The following RERE variants were observed in gnomAD, a reference collection of about 807,000 sequenced individuals.
The protein encoded by RERE is arginine-glutamic acid dipeptide repeats.
Under a neutral mutation model 146.1 loss-of-function variants are expected in RERE, and 40 were observed. The ratio of observed to expected loss-of-function variants is 0.27; its 90% CI spans 0.21 to 0.36. The LOEUF (loss-of-function observed/expected upper bound fraction) is 0.36. Ranked by LOEUF, RERE falls within the 10% of genes least tolerant of loss-of-function variation. The probability of loss-of-function intolerance (pLI) is 1.00; values close to 1 mark genes in which losing one functional copy is unlikely to be tolerated. For missense variants in RERE, 1,933 were observed against 2,138.7 expected, an observed-to-expected ratio of 0.90 and a Z score of 1.90; for synonymous variants, 1,003 against 866.0, an observed-to-expected ratio of 1.16 and a Z score of -2.78.
chr1:8,388,005 A>G (rs750597961), intron 12 of RERE, among the ~76,000 whole-genome samples: 3 of 152,226 alleles, frequency 2.0e-5, no homozygotes, highest in Non-Finnish European at 2.9e-5. Context: ...ACCAACTGAA[A>G]TGTCCATCAA....
chr1:8,517,400 A>T (rs1301487111), intron 7 of RERE, among the ~76,000 whole-genome samples: 2 of 152,152 alleles, frequency 1.3e-5, no homozygotes, highest in African/African-American at 4.8e-5. Flanking sequence ...TTTTTTCCTT[A>T]TGTTTACTAA....
chr1:8,579,734 T>G (rs1334304593), intron 4 of RERE, among the ~76,000 whole-genome samples: 1 of 152,248 alleles, frequency 6.6e-6, no homozygotes, highest in African/African-American at 2.4e-5. Context: ...CGGGGCACAG[T>G]GGCTCACGCC....
chr1:8,697,201 A>T (rs866783488), intron 1 of RERE, among the ~76,000 whole-genome samples: 5 of 152,254 alleles, frequency 3.3e-5, no homozygotes, highest in African/African-American at 1.2e-4. Flanking sequence ...AAACATACAC[A>T]TAAGATGAAA....
chr1:8,363,654 G>A lies in RERE; in HGVS notation c.1740+402C>T, dbSNP rs879376070. 5.6e-5 allele frequency: 11 copies of A among 198,084 alleles called. No homozygotes were observed. In the Admixed American group the frequency reaches 5.9e-4, roughly 11 times the overall value. The allele number at this position is 198,084 out of a possible 1,614,324, so 12.3% of individuals were successfully genotyped here. On this transcript the variant is annotated intron_variant, in intron 15 of 22. Coordinates refer to ENST00000400908, the MANE Select transcript of RERE (RefSeq NM_001042681.2). ...TATGCAGTGAGCAGAAAAATGTATC[G>A]GAAGTTTCCAAAACGGGATCAAACA...
intron 1 of RERE, among the ~76,000 whole-genome samples, chr1:8,744,341 C>T (rs759122141): frequency 4.6e-5 from 7 of 152,150 alleles, no homozygotes; most frequent in Admixed American, 1.3e-4. Flanking sequence ...TGGGTAGTAA[C>T]GATTTACACC....
At chr1:8,526,239 G>C (rs551760094) in intron 7 of RERE, among the ~76,000 whole-genome samples, 5 of 151,848 alleles carry the variant, frequency 3.3e-5, no homozygotes, top group Non-Finnish European at 1.5e-5. Context: ...GCCAAGCCAC[G>C]GAGGAGCGTC....
chr1:8,655,325 G>A (rs962659798), intron 2 of RERE, among the ~76,000 whole-genome samples: 16 of 151,764 alleles, frequency 1.1e-4, no homozygotes, highest in African/African-American at 3.6e-4. Flanking sequence ...TCCCGTCTCA[G>A]CCTCCCAAGT....
At chr1:8,699,805 T>A (rs1639408980) in intron 1 of RERE, among the ~76,000 whole-genome samples, 1 of 152,186 alleles carries the variant, frequency 6.6e-6, no homozygotes, top group South Asian at 2.1e-4. Flanking sequence ...ATTTCTCCAA[T>A]GAATTAAAAA....
At chr1:8,469,126 T>C (rs1014627933) in intron 10 of RERE, among the ~76,000 whole-genome samples, 2 of 151,988 alleles carry the variant, frequency 1.3e-5, no homozygotes, top group South Asian at 2.1e-4. Flanking sequence ...TTAGAAAATA[T>C]ATGTTAGCTA....
chr1:8,531,833 A>AAAT (rs1267241981), intron 7 of RERE, among the ~76,000 whole-genome samples: 2 of 152,276 alleles, frequency 1.3e-5, no homozygotes, highest in African/African-American at 4.8e-5. Context: ...GTACAAAAAA[A>AAAT]GAATGAATGA....
intron 1 of RERE, among the ~76,000 whole-genome samples, chr1:8,758,855 C>CA (rs35540947): frequency 0.014 from 1,904 of 137,386 alleles, 15 homozygotes; most frequent in Non-Finnish European, 0.017. Flanking sequence ...GTCCTCACCA[C>CA]AAAAAAAAAA....
chr1:8,790,404 A>G (rs953169851), intron 1 of RERE, among the ~76,000 whole-genome samples: 2 of 152,216 alleles, frequency 1.3e-5, no homozygotes, highest in Non-Finnish European at 2.9e-5. Flanking sequence ...AATCTATTTG[A>G]TAAATGAATA....
intron 12 of RERE, among the ~76,000 whole-genome samples, chr1:8,409,523 A>G (rs1487821648): frequency 6.6e-6 from 1 of 152,164 alleles, no homozygotes; most frequent in Non-Finnish European, 1.5e-5. Context: ...GCAAATCCCA[A>G]AGCAATGATT....
intron 1 of RERE, among the ~76,000 whole-genome samples, chr1:8,724,522 C>T (rs1569637963): frequency 6.6e-6 from 1 of 152,132 alleles, no homozygotes; most frequent in African/African-American, 2.4e-5. Flanking sequence ...GATTTAGTTA[C>T]TTTCTCTACA....
chr1:8,359,174 T>C (rs982394254), intron 19 of RERE, among the ~76,000 whole-genome samples: 3 of 152,136 alleles, frequency 2.0e-5, no homozygotes, highest in African/African-American at 4.8e-5. Context: ...CATGCATGGG[T>C]TGTCTACGTG....
At chr1:8,787,057 G>A (rs1641271965) in intron 1 of RERE, 1 of 536,728 alleles carries the variant, frequency 1.9e-6, no homozygotes, top group African/African-American at 1.9e-5. Context: ...ATTATACTTG[G>A]AATGAAAGCC....
At chr1:8,761,271 T>G (rs138847502) in intron 1 of RERE, among the ~76,000 whole-genome samples, 1 of 152,200 alleles carries the variant, frequency 6.6e-6, no homozygotes, top group Non-Finnish European at 1.5e-5. Flanking sequence ...CATCTGACAC[T>G]AAATCCTTTG....
chr1:8,363,844 G>C, intron 15 of RERE: 1 of 590,330 alleles, frequency 1.7e-6, no homozygotes, highest in Admixed American at 3.0e-5. Flanking sequence ...ACAAAACCCA[G>C]AGCAGGATGC....
chr1:8,578,790 A>C (rs1464893067), intron 4 of RERE, among the ~76,000 whole-genome samples: 3 of 152,234 alleles, frequency 2.0e-5, no homozygotes, highest in African/African-American at 4.8e-5. Flanking sequence ...AAGACAAGAC[A>C]TGCTGTAAAG....
Sources: gnomAD v4.1 joint callset for allele counts (sites outside exome capture counted in the v4.1 genomes callset) on GRCh38, gnomAD v4.1.1 for gene constraint, MANE v1.5 for transcripts, NCBI Gene and HGNC (gene_info 2026-07-23, HGNC 2026-07-21) for gene names.